Variants in PLPPR1 observed in about 807,000 individuals in gnomAD.
The protein encoded by PLPPR1 is phospholipid phosphatase-related protein type 1.
Under a neutral mutation model 33.1 loss-of-function variants are expected in PLPPR1, and 10 were observed. That is an observed-to-expected ratio of 0.30 (90% CI 0.19 to 0.51). PLPPR1 has a LOEUF of 0.51. Ranked by LOEUF, PLPPR1 falls within the 20% of genes least tolerant of loss-of-function variation. The pLI is 0.97. For missense variants in PLPPR1, 304 were observed against 408.1 expected (o/e 0.74, Z 2.20); for synonymous variants, 151 against 151.0 (o/e 1.00, Z 0.00).
chr9:101,250,821 G>A (rs1294625828), intron 2 of PLPPR1, among the ~76,000 whole-genome samples: 1 of 151,980 alleles, frequency 6.6e-6, no homozygotes, highest in Non-Finnish European at 1.5e-5. Flanking sequence ...ATAGATTTGG[G>A]GACTAAACTG....
intron 2 of PLPPR1, among the ~76,000 whole-genome samples, chr9:101,216,664 C>T (rs1826802040): frequency 6.6e-6 from 1 of 152,312 alleles, no homozygotes; most frequent in East Asian, 1.9e-4. Flanking sequence ...AAGGTACTTA[C>T]ATCAGTAAAT....
At chr9:101,170,730 G>A (rs979745192) in intron 1 of PLPPR1, among the ~76,000 whole-genome samples, 3 of 152,146 alleles carry the variant, frequency 2.0e-5, no homozygotes, top group Admixed American at 6.6e-5. Context: ...GAGTCCAGGG[G>A]TTTAAGATCA....
chr9:101,304,565 C>T (rs867984094), intron 4 of PLPPR1, among the ~76,000 whole-genome samples: 4 of 152,184 alleles, frequency 2.6e-5, no homozygotes, highest in African/African-American at 9.7e-5. Context: ...AATAATGGTA[C>T]CATACTAGTC....
chr9:101,274,487 A>C (rs1349488458), intron 3 of PLPPR1, among the ~76,000 whole-genome samples: 1 of 152,200 alleles, frequency 6.6e-6, no homozygotes, highest in Non-Finnish European at 1.5e-5. Context: ...CTGATAGGTC[A>C]ATGGCAAAGA....
At chr9:101,087,239 T>C (rs1196285407) in intron 1 of PLPPR1, among the ~76,000 whole-genome samples, 1 of 152,034 alleles carries the variant, frequency 6.6e-6, no homozygotes, top group Non-Finnish European at 1.5e-5. Flanking sequence ...GTATTTTCTA[T>C]GATGACAGAT....
intron 1 of PLPPR1, among the ~76,000 whole-genome samples, chr9:101,171,922 G>A (rs149846847): frequency 1.2e-4 from 18 of 152,220 alleles, no homozygotes; most frequent in African/African-American, 4.3e-4. Context: ...TCCCTTTTGG[G>A]ATCATGGCTT....
intron 1 of PLPPR1, among the ~76,000 whole-genome samples, chr9:101,070,433 C>CA (rs1277797503): frequency 1.3e-5 from 2 of 151,622 alleles, no homozygotes; most frequent in African/African-American, 2.4e-5. Flanking sequence ...AATAACATCG[C>CA]AAAAAAACCA....
intron 1 of PLPPR1, among the ~76,000 whole-genome samples, chr9:101,084,308 A>C (rs1830652786): frequency 6.6e-6 from 1 of 152,204 alleles, no homozygotes; most frequent in Non-Finnish European, 1.5e-5. Flanking sequence ...GTGATACTAA[A>C]GGAACTAAAA....
At chr9:101,047,918 T>C (rs1830173091) in intron 1 of PLPPR1, among the ~76,000 whole-genome samples, 1 of 152,238 alleles carries the variant, frequency 6.6e-6, no homozygotes, top group Admixed American at 6.5e-5. Context: ...AAGGTATTGC[T>C]AAGAACTTTA....
At chr9:101,270,138 CTCTT>C in intron 3 of PLPPR1, 70 bp downstream of exon 3, 1 of 1,489,772 alleles carries the variant, frequency 6.7e-7, no homozygotes, top group East Asian at 2.3e-5. Flanking sequence ...GCTTTTTCTC[CTCTT>C]TCTTCTCTTC....
chr9:101,262,198 A>G (rs1436997964), intron 2 of PLPPR1, among the ~76,000 whole-genome samples: 2 of 152,320 alleles, frequency 1.3e-5, no homozygotes, highest in East Asian at 3.9e-4. Context: ...ACACAGTCTC[A>G]TTTAATCTTC....
intron 2 of PLPPR1, among the ~76,000 whole-genome samples, chr9:101,198,549 T>C (rs1331585830): frequency 6.6e-6 from 1 of 152,168 alleles, no homozygotes; most frequent in Admixed American, 6.5e-5. Context: ...ATGGGCAGTG[T>C]GGTGTATCTT....
At chr9:101,100,699 TG>T (rs1248994258) in intron 1 of PLPPR1, among the ~76,000 whole-genome samples, 2 of 21,758 alleles carry the variant, frequency 9.2e-5, no homozygotes, top group African/African-American at 9.8e-4. Flanking sequence ...CTTTGTTCCG[TG>T]TGTGTGTGTG....
At chr9:101,114,161 T>C (rs1348345749) in intron 1 of PLPPR1, among the ~76,000 whole-genome samples, 3 of 152,266 alleles carry the variant, frequency 2.0e-5, no homozygotes, top group African/African-American at 4.8e-5. Context: ...CTTCTCAAAC[T>C]GAGCTTCTGT....
chr9:101,067,719 T>C (rs2118480825), intron 1 of PLPPR1, among the ~76,000 whole-genome samples: 1 of 152,188 alleles, frequency 6.6e-6, no homozygotes, highest in East Asian at 1.9e-4. Flanking sequence ...TTCTTTCCTC[T>C]AGGTGGATGC....
In PLPPR1 at chr9:101,317,444, C is replaced by G; in HGVS notation, c.893C>G (p.Pro298Arg). 1.2e-6 allele frequency: 2 copies of G among 1,614,002 alleles called. No homozygotes were observed. Among genetic ancestry groups the G allele is most frequent in the Non-Finnish European group, 8.5e-7 (1 of 1,179,930 alleles). Residue 298 changes from proline to arginine, a missense_variant, in exon 7 of 8, where the codon CCC becomes CGC. By Grantham distance (103) the Pro-to-Arg change is moderately radical. Coordinates refer to ENST00000374874, the MANE Select transcript of PLPPR1 (RefSeq NM_207299.2). ...KPKPEDPRGV[P>R]LMAFPRIESP... ...AAGCCTGAGGATCCCCGTGGAGTAC[C>G]CCTAATGGCTTTCCCAAGGATAGAA...
intron 4 of PLPPR1, among the ~76,000 whole-genome samples, chr9:101,304,040 T>A (rs1457890180): frequency 1.3e-5 from 2 of 152,274 alleles, no homozygotes; most frequent in East Asian, 1.9e-4. Context: ...AGGTTTTTTT[T>A]ATTCTCACTG....
intron 1 of PLPPR1, among the ~76,000 whole-genome samples, chr9:101,082,892 T>C (rs1830637776): frequency 6.6e-6 from 1 of 152,104 alleles, no homozygotes; most frequent in African/African-American, 2.4e-5. Context: ...TAAGCAAATA[T>C]AAGTAAATTG....
intron 2 of PLPPR1, among the ~76,000 whole-genome samples, chr9:101,212,568 T>G (rs1826710377): frequency 6.6e-6 from 1 of 152,226 alleles, no homozygotes; most frequent in Admixed American, 6.5e-5. Context: ...TCCAACATCA[T>G]TCTTCTTAGT....
Sources: gnomAD v4.1 joint callset for allele counts (sites outside exome capture counted in the v4.1 genomes callset) on GRCh38, gnomAD v4.1.1 for gene constraint, MANE v1.5 for transcripts, NCBI Gene and HGNC (gene_info 2026-07-23, HGNC 2026-07-21) for gene names.